AKT3: variants seen among roughly 807,000 people sequenced by gnomAD.
The protein encoded by AKT3 is RAC-gamma serine/threonine-protein kinase.
A neutral mutation model predicts 65.3 loss-of-function variants in AKT3; 15 were observed. The observed-to-expected ratio is 0.23, with a 90% CI of 0.15 to 0.35. AKT3 has a LOEUF of 0.35. AKT3 is among the 10% of genes least tolerant of loss of function. The pLI is 1.00. For missense variants in AKT3, 243 were observed against 576.5 expected, an observed-to-expected ratio of 0.42 and a Z score of 5.92; for synonymous variants, 206 against 183.8, an observed-to-expected ratio of 1.12 and a Z score of -0.98.
chr1:243,758,322 T>C (rs1052902251), intron 2 of AKT3, among the ~76,000 whole-genome samples: 2 of 152,276 alleles, frequency 1.3e-5, no homozygotes. Context: ...GGAAGTCTCA[T>C]TGAGACGGCA....
intron 2 of AKT3, among the ~76,000 whole-genome samples, chr1:243,755,848 A>G (rs764637875): frequency 5.3e-5 from 8 of 152,256 alleles, no homozygotes; most frequent in Admixed American, 6.5e-5. Flanking sequence ...CAAAGTATGC[A>G]TTAAAATGTG....
intron 12 of AKT3, among the ~76,000 whole-genome samples, chr1:243,528,449 C>T (rs943880868): frequency 6.6e-6 from 1 of 152,082 alleles, no homozygotes. Context: ...CCTGGTAGGT[C>T]GTTTTTTGAT....
chr1:243,748,940 T>C (rs1440063475), intron 2 of AKT3, among the ~76,000 whole-genome samples: 1 of 152,146 alleles, frequency 6.6e-6, no homozygotes, highest in Non-Finnish European at 1.5e-5. Flanking sequence ...TAAATACAAA[T>C]GAACAGTACC....
intron 4 of AKT3, among the ~76,000 whole-genome samples, chr1:243,661,991 C>G (rs1682383630): frequency 7.5e-5 from 11 of 145,842 alleles, no homozygotes; most frequent in Non-Finnish European, 1.2e-4. Flanking sequence ...AAATGCAAAT[C>G]AAAACCACAA....
At position 243,535,821 on chromosome 1, in the gene AKT3, C is replaced by T. The variant is rs1212321149; in HGVS notation, c.1251+9689G>A. ...CATACTGTTTTCCACAGAGGTTGTA[C>T]TAATTTACATTCCCACCAACAGCAT... is the stretch of plus-strand genomic sequence containing the variant. On this transcript the variant is annotated intron_variant, in intron 12 of 13. Coordinates refer to ENST00000673466, the MANE Select transcript of AKT3 (RefSeq NM_005465.7). 5.3e-5 allele frequency among the ~76,000 whole-genome samples: 8 copies of T among 152,142 alleles called. No individual in the cohort carries two copies. In the East Asian group the frequency reaches 1.2e-3, roughly 22 times the overall value.
chr1:243,566,660 T>C (rs1197178752), intron 9 of AKT3, among the ~76,000 whole-genome samples: 1 of 152,182 alleles, frequency 6.6e-6, no homozygotes, highest in African/African-American at 2.4e-5. Flanking sequence ...TGTGTGACCT[T>C]GGGCATATTA....
At position 243,692,248 on chromosome 1, in the gene AKT3, A is replaced by T. The variant is rs146656401; in HGVS notation, c.172+3343T>A. 1.5e-3 allele frequency among the ~76,000 whole-genome samples: 229 copies of T among 152,266 alleles called. 1 individual carries two copies. Among genetic ancestry groups the T allele is most frequent in the African/African-American group, 5.3e-3 (221 of 41,556 alleles). Reference sequence around the variant, plus strand: ...GAATTTTTTGACCTTCCCCTGAAATAGGTCATAAGATCCCCATATGAGAGA... The same window carrying T: ...GAATTTTTTGACCTTCCCCTGAAATTGGTCATAAGATCCCCATATGAGAGA... On this transcript the variant is annotated intron_variant, in intron 3 of 13. Transcript: ENST00000673466.
chr1:243,778,149 G>A (rs1690676075), intron 2 of AKT3, among the ~76,000 whole-genome samples: 1 of 152,086 alleles, frequency 6.6e-6, no homozygotes, highest in African/African-American at 2.4e-5. Flanking sequence ...ACTATAAGCT[G>A]TTTGAGGCAG....
chr1:243,683,977 T>C (rs1004127596), intron 3 of AKT3, among the ~76,000 whole-genome samples: 3 of 152,176 alleles, frequency 2.0e-5, no homozygotes. Context: ...CACACAGGTC[T>C]TTCTCAGCCT....
intron 8 of AKT3, among the ~76,000 whole-genome samples, chr1:243,598,103 CCAT>C (rs904855648): frequency 2.0e-5 from 3 of 152,042 alleles, no homozygotes; most frequent in Non-Finnish European, 4.4e-5. Flanking sequence ...TGACAGTACA[CCAT>C]ATCTTTGCAT....
chr1:243,490,766 G>T (rs1360551830), intron 13 of AKT3, among the ~76,000 whole-genome samples: 3 of 152,224 alleles, frequency 2.0e-5, no homozygotes, highest in Admixed American at 1.3e-4. Flanking sequence ...GCAGAGGCCT[G>T]CAGAGCAGCA....
chr1:243,633,462 C>A (rs1679754051), intron 6 of AKT3, among the ~76,000 whole-genome samples: 1 of 151,976 alleles, frequency 6.6e-6, no homozygotes, highest in African/African-American at 2.4e-5. Flanking sequence ...TTTGGACACA[C>A]AATGCATAAA....
intron 4 of AKT3, 120 bp downstream of exon 4, chr1:243,664,650 TAG>T (rs1682644006): frequency 6.1e-6 from 2 of 326,992 alleles, no homozygotes; most frequent in Non-Finnish European, 1.0e-5. Context: ...AGCAAGAATT[TAG>T]AGACTATAGC....
At chr1:243,596,772 C>T (rs911933097) in intron 8 of AKT3, among the ~76,000 whole-genome samples, 22 of 152,150 alleles carry the variant, frequency 1.4e-4, no homozygotes, top group Admixed American at 2.6e-4. Context: ...TCATATTAGG[C>T]AATGACTGGT....
Position 243,645,922 on chromosome 1 carries a change from C to T in AKT3, c.400G>A (p.Asp134Asn), listed in dbSNP as rs2147846121. ...QIDNIGEEEM[D>N]ASTTHHKRKT... is the part of the protein sequence containing the mutation. ...CTTTTATGATGGGTTGTAGAGGCAT[C>T]CATCTCTTCCTCTCCTATATTATCA... The change falls in exon 5 of 14, where the codon GAT (aspartate) becomes AAT (asparagine). Residue 134 changes from aspartate to asparagine, a missense_variant. Transcript: ENST00000673466. 6.2e-7 allele frequency: 1 copy of T among 1,611,302 alleles called. No homozygotes were observed. The highest frequency in any genetic ancestry group is 8.5e-7 in the Non-Finnish European group (1 of 1,178,160).
At position 243,607,600 on chromosome 1, in the gene AKT3, C is replaced by T. The variant is rs148283150; in HGVS notation, c.696+6071G>A. 6.7e-3 allele frequency among the ~76,000 whole-genome samples: 1,018 copies of T among 152,254 alleles called. 4 individuals carry two copies. Among genetic ancestry groups the T allele is most frequent in the Non-Finnish European group, 8.8e-3 (596 of 68,028 alleles). ...CATAGTCAGAAGAGACTTGCCTTGT[C>T]TCAGATGAGACTTTGAACTTGGACT... On this transcript the variant is annotated intron_variant, in intron 8 of 13. Coordinates refer to ENST00000673466, the MANE Select transcript of AKT3 (RefSeq NM_005465.7).
intron 2 of AKT3, among the ~76,000 whole-genome samples, chr1:243,817,363 G>C (rs973734195): frequency 6.6e-6 from 1 of 152,174 alleles, no homozygotes; most frequent in Non-Finnish European, 1.5e-5. Flanking sequence ...ACAACAACAC[G>C]ACACTGCCAA....
chr1:243,664,352 A>C (rs1682621100), intron 4 of AKT3, among the ~76,000 whole-genome samples: 1 of 150,524 alleles, frequency 6.6e-6, no homozygotes, highest in South Asian at 2.1e-4. Context: ...GCCCGCCACC[A>C]CGCCTGGCTG....
intron 4 of AKT3, among the ~76,000 whole-genome samples, chr1:243,649,357 G>GTGTGTGTGTA (rs1405251441): frequency 1.0e-4 from 15 of 147,960 alleles, no homozygotes; most frequent in Non-Finnish European, 2.1e-4. Context: ...GTGTGTGTGT[G>GTGTGTGTGTA]TATGTTGGGT....
Sources: gnomAD v4.1 joint callset for allele counts (sites outside exome capture counted in the v4.1 genomes callset) on GRCh38, gnomAD v4.1.1 for gene constraint, MANE v1.5 for transcripts, NCBI Gene and HGNC (gene_info 2026-07-23, HGNC 2026-07-21) for gene names.